Variants in HHAT observed in about 807,000 individuals in gnomAD.
The protein encoded by HHAT is protein-cysteine N-palmitoyltransferase HHAT.
Under a neutral mutation model 70.8 loss-of-function variants are expected in HHAT, and 47 were observed. The observed-to-expected ratio is 0.66, with a 90% CI of 0.53 to 0.85. HHAT has a LOEUF of 0.85. HHAT is among the 40% of genes least tolerant of loss of function. The probability of loss-of-function intolerance (pLI) is 0.00; values close to 1 mark genes in which losing one functional copy is unlikely to be tolerated. For missense variants in HHAT, 609 were observed against 604.8 expected (o/e 1.01, Z -0.07); for synonymous variants, 228 against 247.6 (o/e 0.92, Z 0.74).
At chr1:210,569,438 A>G (rs1274779063) in intron 9 of HHAT, among the ~76,000 whole-genome samples, 3 of 143,614 alleles carry the variant, frequency 2.1e-5, no homozygotes, top group Admixed American at 7.4e-5. Flanking sequence ...TTTTCCACTC[A>G]TTGAGAAAGG....
intron 11 of HHAT, among the ~76,000 whole-genome samples, chr1:210,666,327 C>T (rs1678884560): frequency 1.3e-5 from 2 of 152,200 alleles, no homozygotes; most frequent in African/African-American, 4.8e-5. Flanking sequence ...CTGAATGCAT[C>T]TGTGTGGTTA....
At chr1:210,358,438 T>G (rs2148008123) in intron 2 of HHAT, among the ~76,000 whole-genome samples, 1 of 152,344 alleles carries the variant, frequency 6.6e-6, no homozygotes, top group Non-Finnish European at 1.5e-5. Flanking sequence ...TCTAAATCAC[T>G]TTTTTATTCC....
chr1:210,498,081 AC>A (rs2148534861), intron 8 of HHAT, among the ~76,000 whole-genome samples: 1 of 151,704 alleles, frequency 6.6e-6, no homozygotes, highest in South Asian at 2.1e-4. Context: ...GTATCAGTTG[AC>A]CCCCTAAGCT....
At chr1:210,564,452 T>C (rs2095651574) in intron 9 of HHAT, among the ~76,000 whole-genome samples, 1 of 152,180 alleles carries the variant, frequency 6.6e-6, no homozygotes, top group African/African-American at 2.4e-5. Context: ...AGCAAAAATG[T>C]GAACAAGGAA....
chr1:210,412,973 C>G (rs138798753), intron 6 of HHAT, among the ~76,000 whole-genome samples: 4 of 152,168 alleles, frequency 2.6e-5, no homozygotes, highest in African/African-American at 9.7e-5. Context: ...AGTGTGGTGA[C>G]GGGGAGTGGG....
chr1:210,638,085 C>T (rs529778647), intron 11 of HHAT, among the ~76,000 whole-genome samples: 1 of 152,146 alleles, frequency 6.6e-6, no homozygotes. Flanking sequence ...GGAACCTTTA[C>T]TGCTGATGGG....
At chr1:210,327,578 T>C (rs964285603), upstream of HHAT, among the ~76,000 whole-genome samples, 3 of 152,296 alleles carry the variant, frequency 2.0e-5, no homozygotes, top group Non-Finnish European at 4.4e-5. Context: ...CGATCTGAGC[T>C]CACTGCAACC....
At chr1:210,345,565 T>G (rs1047496835) in intron 1 of HHAT, among the ~76,000 whole-genome samples, 2 of 152,250 alleles carry the variant, frequency 1.3e-5, no homozygotes, top group African/African-American at 4.8e-5. Context: ...TAAGTGTATG[T>G]GTATAGCTCT....
chr1:210,392,730 C>T (rs1192837117), intron 4 of HHAT, among the ~76,000 whole-genome samples: 1 of 152,176 alleles, frequency 6.6e-6, no homozygotes, highest in African/African-American at 2.4e-5. Flanking sequence ...GCCACCATGC[C>T]CAGTCATTAC....
chr1:210,650,943 A>C (rs1675005086), intron 11 of HHAT, among the ~76,000 whole-genome samples: 1 of 152,216 alleles, frequency 6.6e-6, no homozygotes, highest in African/African-American at 2.4e-5. Context: ...GGGAAAGAGA[A>C]GACTCATCAG....
rs750533352 is a variant in HHAT at position 210,362,838 on chromosome 1, T to TG, written c.92-14_92-13insG. Reference sequence around the variant, plus strand: ...TAGATTTGTGACTAACGAAGACTTTTTTTTTTTGGTCAGAACACGAAGAGG... The same window carrying TG: ...TAGATTTGTGACTAACGAAGACTTTTGTTTTTTTGGTCAGAACACGAAGAGG... On this transcript the variant is annotated splice_polypyrimidine_tract_variant and intron_variant, in intron 2 of 11. Transcript: ENST00000261458. 7 of 1,612,388 alleles carry TG rather than the reference T, an allele frequency of 4.3e-6. No homozygotes were observed. The African/African-American group carries it at 9.3e-5, about 22-fold the overall frequency.
At position 210,425,207 on chromosome 1, in the gene HHAT, T is replaced by G. The variant is rs531527914; in HGVS notation, c.856+6882T>G. Among the ~76,000 whole-genome samples the G allele has an allele frequency of 3.3e-5, 5 of 152,344 alleles. No individual in the cohort carries two copies. The South Asian group carries it at 1.0e-3, about 32-fold the overall frequency. ...ATTACTTAATGAGATTGTTTATTTT[T>G]TTCCTTGTACATTTAAGTTCTTTGA... On this transcript the variant is annotated intron_variant, in intron 7 of 11. Transcript: ENST00000261458.
chr1:210,561,633 T>G (rs980728917), intron 9 of HHAT, among the ~76,000 whole-genome samples: 5 of 152,236 alleles, frequency 3.3e-5, no homozygotes, highest in Admixed American at 3.3e-4. Context: ...ATTTTCTCTT[T>G]TTTCTGCATT....
intron 8 of HHAT, among the ~76,000 whole-genome samples, chr1:210,488,750 G>A (rs1261092242): frequency 6.6e-6 from 1 of 151,692 alleles, no homozygotes; most frequent in Admixed American, 6.6e-5. Context: ...AAAATGAGTA[G>A]AGCTTGGTGG....
intron 8 of HHAT, among the ~76,000 whole-genome samples, chr1:210,482,068 A>G (rs575661897): frequency 1.3e-5 from 2 of 152,124 alleles, no homozygotes; most frequent in Non-Finnish European, 1.5e-5. Context: ...TCTGAGTTAG[A>G]TGGGGAGATG....
chr1:210,592,403 T>C (rs983822437), intron 10 of HHAT, among the ~76,000 whole-genome samples: 2 of 152,084 alleles, frequency 1.3e-5, no homozygotes, highest in African/African-American at 4.8e-5. Context: ...TGTCTGTTTT[T>C]GCCCAATACT....
chr1:210,626,638 A>G (rs1257159795), intron 11 of HHAT, among the ~76,000 whole-genome samples: 1 of 152,076 alleles, frequency 6.6e-6, no homozygotes, highest in Non-Finnish European at 1.5e-5. Flanking sequence ...CTCTTGGAGG[A>G]AAGTGAACCA....
At chr1:210,453,990 A>G (rs188031619) in intron 7 of HHAT, among the ~76,000 whole-genome samples, 2 of 152,300 alleles carry the variant, frequency 1.3e-5, no homozygotes, top group Non-Finnish European at 2.9e-5. Context: ...TACTTCTTAC[A>G]TGGCGGTGAC....
intron 7 of HHAT, among the ~76,000 whole-genome samples, chr1:210,448,358 A>C (rs879716922): frequency 1.3e-5 from 2 of 152,204 alleles, no homozygotes; most frequent in African/African-American, 2.4e-5. Context: ...TTGGGATTAC[A>C]GACGTGAGCC....
Sources: gnomAD v4.1 joint callset for allele counts (sites outside exome capture counted in the v4.1 genomes callset) on GRCh38, gnomAD v4.1.1 for gene constraint, MANE v1.5 for transcripts, NCBI Gene and HGNC (gene_info 2026-07-23, HGNC 2026-07-21) for gene names.